Variants in RNASE11 observed in about 807,000 individuals in gnomAD.
RNASE11 encodes putative inactive ribonuclease 11.
For missense variants in RNASE11, 252 were observed against 237.8 expected, an observed-to-expected ratio of 1.06 and a Z score of -0.39; for synonymous variants, 105 against 86.1, an observed-to-expected ratio of 1.22 and a Z score of -1.21.
upstream of RNASE11, chr14:20,590,161 A>G (rs536512259): frequency 1.3e-6 from 2 of 1,494,962 alleles, no homozygotes; most frequent in South Asian, 2.7e-5. Context: ...ATTAATTACC[A>G]GTGGCTTCCC....
intron 1 of RNASE11, 32 bp downstream of exon 2, chr14:20,587,531 G>A (rs1039878451): frequency 4.2e-5 from 41 of 981,224 alleles, no homozygotes; most frequent in Non-Finnish European, 4.8e-5. Context: ...TGCTACCAAG[G>A]CCCAACAAAT....
upstream of RNASE11, among the ~76,000 whole-genome samples, chr14:20,588,547 CCTTT>C (rs935229987): frequency 1.3e-5 from 2 of 152,094 alleles, no homozygotes; most frequent in African/African-American, 4.8e-5. Flanking sequence ...CAGTCAGGCT[CCTTT>C]CTTTATTTCA....
chr14:20,584,944 A>G, intron 1 of RNASE11: 2 of 435,944 alleles, frequency 4.6e-6, no homozygotes, highest in Non-Finnish European at 6.1e-6. Flanking sequence ...GCCACTCGAA[A>G]ACAAAATAAA....
intron 1 of RNASE11, 43 bp from the exon 3 acceptor site, chr14:20,584,539 A>T: frequency 6.8e-7 from 1 of 1,475,010 alleles, no homozygotes; most frequent in Non-Finnish European, 9.0e-7. Context: ...AAGAAGATTA[A>T]AGAGGTAGTT....
At chr14:20,583,874 T>C in exon 2 of RNASE11, 1 of 1,602,626 alleles carries the variant, frequency 6.2e-7, no homozygotes, top group Non-Finnish European at 8.5e-7. Flanking sequence ...CTCTGTGGGA[T>C]TTACAACTTA....
chr14:20,590,083 A>T, upstream of RNASE11: 1 of 1,071,478 alleles, frequency 9.3e-7, no homozygotes, highest in Non-Finnish European at 1.3e-6. Context: ...TTTATGGTTT[A>T]ATTCAGTAAA....
chr14:20,590,234 A>G, upstream of RNASE11: 1 of 1,597,584 alleles, frequency 6.3e-7, no homozygotes, highest in Non-Finnish European at 8.5e-7. Context: ...AGCCAGCTCC[A>G]ATGCCATTGA....
upstream of RNASE11, chr14:20,590,164 G>A: frequency 6.7e-7 from 1 of 1,498,428 alleles, no homozygotes; most frequent in Non-Finnish European, 8.8e-7. Flanking sequence ...AATTACCAGT[G>A]GCTTCCCCTT....
upstream of RNASE11, among the ~76,000 whole-genome samples, chr14:20,589,315 C>T (rs1167892543): frequency 1.1e-4 from 16 of 149,766 alleles, no homozygotes; most frequent in South Asian, 1.7e-3. Context: ...AGTGCAGTGG[C>T]GCGATCTCGG....
At chr14:20,590,151 A>C (rs1222243609), upstream of RNASE11, 32 of 1,475,548 alleles carry the variant, frequency 2.2e-5, no homozygotes, top group Non-Finnish European at 2.9e-5. Context: ...GGAAGGATAA[A>C]TTAATTACCA....
At chr14:20,583,423 C>A (rs1189964660), downstream of RNASE11, 4 of 161,710 alleles carry the variant, frequency 2.5e-5, no homozygotes, top group Admixed American at 2.3e-4. Context: ...TCAATTCACA[C>A]AAGTGTGAGC....
upstream of RNASE11, among the ~76,000 whole-genome samples, chr14:20,589,415 G>A (rs1884513772): frequency 2.0e-5 from 3 of 151,506 alleles, no homozygotes; most frequent in Admixed American, 6.6e-5. Context: ...CACCACGCCC[G>A]GCTAATTTTT....
downstream of RNASE11, chr14:20,583,332 T>C (rs1263943684): frequency 6.5e-6 from 1 of 154,514 alleles, no homozygotes; most frequent in Non-Finnish European, 1.4e-5. Flanking sequence ...CTATTGACAC[T>C]GAGAGCATCA....
chr14:20,587,815 C>A, upstream of RNASE11: 11 of 985,412 alleles, frequency 1.1e-5, no homozygotes, highest in Non-Finnish European at 1.3e-5. Context: ...TCGCATGGAA[C>A]TTGATGGTTA....
upstream of RNASE11, chr14:20,587,933 C>A: frequency 1.2e-6 from 1 of 821,470 alleles, no homozygotes; most frequent in Non-Finnish European, 1.5e-6. Context: ...CTGAAAAGAT[C>A]AGGACAGAGA....
rs1417828616 is a variant in RNASE11 at position 20,584,022 on chromosome 14, T to C, written c.453A>G (p.Leu151=). The C allele has an allele frequency of 1.7e-5, 27 of 1,614,094 alleles. No individual in the cohort carries two copies. In the Middle Eastern group the frequency reaches 1.5e-3, roughly 88 times the overall value. Residue 151 remains leucine, a synonymous_variant, in exon 2 of 2, where the codon CTA becomes CTG. Coordinates refer to ENST00000553849, the Ensembl canonical transcript of RNASE11. ...ACTGGCACACTGTATTTTCCAGTTC[T>C]AGGCTCTCACAGCAGCTTATGCCAG...
chr14:20,590,242 T>G, upstream of RNASE11: 1 of 1,602,814 alleles, frequency 6.2e-7, no homozygotes. Context: ...CCAATGCCAT[T>G]GAGAGAAGAG....
intron 1 of RNASE11, among the ~76,000 whole-genome samples, chr14:20,586,164 G>A (rs1279520378): frequency 2.6e-5 from 4 of 152,132 alleles, no homozygotes; most frequent in Admixed American, 6.5e-5. Flanking sequence ...TCTGCCTATC[G>A]GGATTTATCT....
At chr14:20,588,954 CTT>C (rs1411861726), upstream of RNASE11, among the ~76,000 whole-genome samples, 1 of 151,888 alleles carries the variant, frequency 6.6e-6, no homozygotes, top group African/African-American at 2.4e-5. Context: ...ACCCAACTAA[CTT>C]TTGTATTTTT....
Sources: gnomAD v4.1 joint callset for allele counts (sites outside exome capture counted in the v4.1 genomes callset) on GRCh38, gnomAD v4.1.1 for gene constraint, MANE v1.5 for transcripts, NCBI Gene and HGNC (gene_info 2026-07-23, HGNC 2026-07-21) for gene names.